The following CDK14 variants were observed in gnomAD, a reference collection of about 807,000 sequenced individuals.
CDK14 encodes the protein cyclin dependent kinase 14.
CDK14 carries 34 observed loss-of-function variants against 60.7 expected under a neutral mutation model. The ratio of observed to expected loss-of-function variants is 0.56; its 90% CI spans 0.43 to 0.75. The LOEUF is 0.75. CDK14 is among the 30% of genes least tolerant of loss of function. The pLI, the probability that CDK14 is intolerant of heterozygous loss-of-function variation, is 0.00. For missense variants in CDK14, 482 were observed against 564.1 expected (o/e 0.85, Z 1.47); for synonymous variants, 197 against 203.7 (o/e 0.97, Z 0.28).
intron 14 of CDK14, among the ~76,000 whole-genome samples, chr7:91,176,537 A>T (rs1220637544): frequency 3.4e-4 from 51 of 152,188 alleles, no homozygotes; most frequent in Non-Finnish European, 4.4e-5. Context: ...TTTTGAAAGG[A>T]TCAACAAAAT....
At chr7:90,825,455 AG>A (rs1056355198) in intron 5 of CDK14, among the ~76,000 whole-genome samples, 10 of 152,188 alleles carry the variant, frequency 6.6e-5, no homozygotes, top group African/African-American at 2.4e-4. Flanking sequence ...GTAACACCAT[AG>A]TTTGTTTCTA....
intron 11 of CDK14, among the ~76,000 whole-genome samples, chr7:91,076,634 G>C (rs909534852): frequency 2.0e-5 from 3 of 152,130 alleles, no homozygotes; most frequent in Non-Finnish European, 4.4e-5. Context: ...TTTAACAAAA[G>C]CTAAAATTGA....
intron 2 of CDK14, among the ~76,000 whole-genome samples, chr7:90,630,888 A>ATGTGTGTGTGTGTG (rs55859300): frequency 0.15 from 21,541 of 148,264 alleles, 1,691 homozygotes; most frequent in East Asian, 0.28. Flanking sequence ...TGGGGTGTGT[A>ATGTGTGTGTGTGTG]TGTGTGTGTG....
At chr7:90,782,876 T>G (rs1221109071) in intron 4 of CDK14, among the ~76,000 whole-genome samples, 2 of 152,114 alleles carry the variant, frequency 1.3e-5, no homozygotes, top group Admixed American at 6.6e-5. Context: ...TGAAAATGTT[T>G]TAGGGACTAC....
At chr7:90,685,073 A>G (rs1801405221) in intron 2 of CDK14, among the ~76,000 whole-genome samples, 2 of 151,612 alleles carry the variant, frequency 1.3e-5, no homozygotes. Context: ...CCATTCTAAT[A>G]TGAGAAAAAT....
At chr7:91,008,148 AAC>A (rs1464686365) in intron 10 of CDK14, among the ~76,000 whole-genome samples, 1,220 of 106,564 alleles carry the variant, frequency 0.011, 177 homozygotes, top group Non-Finnish European at 0.019. Context: ...AAAAAAAACA[AAC>A]AAAAAAAAAC....
chr7:91,145,918 C>CTTTATTTA lies in CDK14; in HGVS notation c.*28+27742_*28+27749dup, dbSNP rs144547153. Reference sequence around the variant, plus strand: ...ACTTCAAAGGGATTAACCTGGCTTGCTTTATTTATTTATTTATTTATTTAT... The same window carrying CTTTATTTA: ...ACTTCAAAGGGATTAACCTGGCTTGCTTTATTTATTTATTTATTTATTTATTTATTTAT... On this transcript the variant is annotated intron_variant, in intron 14 of 14. Coordinates refer to ENST00000380050, the MANE Select transcript of CDK14 (RefSeq NM_001287135.2). Among the ~76,000 whole-genome samples, 1,221 of 147,836 alleles carry CTTTATTTA rather than the reference C, an allele frequency of 8.3e-3. 11 individuals are homozygous for CTTTATTTA. Among genetic ancestry groups the CTTTATTTA allele is most frequent in the African/African-American group, 0.025 (981 of 39,848 alleles).
chr7:90,729,585 T>C (rs1297726022), intron 3 of CDK14, among the ~76,000 whole-genome samples: 1 of 151,672 alleles, frequency 6.6e-6, no homozygotes, highest in Non-Finnish European at 1.5e-5. Context: ...AGTTTCTCTA[T>C]TGTATTTTTT....
In CDK14 at chr7:91,063,435, T is replaced by G. The variant is rs977677586; in HGVS notation, c.1106-15997T>G. Among the ~76,000 whole-genome samples, 3 of 152,378 alleles carry G rather than the reference T, an allele frequency of 2.0e-5. No homozygotes were observed. In the East Asian group the frequency reaches 5.8e-4, roughly 29 times the overall value. The stretch of plus-strand genomic sequence containing the variant: ...CTGATAAGATTTCCTTCACGTACAC[T>G]GTCCTTCATGCAGCACTGGCAGAGA... On this transcript the variant is annotated intron_variant, in intron 11 of 14. Transcript: ENST00000380050.
chr7:90,753,519 C>T (rs1244760676), intron 4 of CDK14, among the ~76,000 whole-genome samples: 3 of 152,180 alleles, frequency 2.0e-5, no homozygotes, highest in African/African-American at 7.2e-5. Flanking sequence ...GACAAACCCA[C>T]AGCTAACATC....
At chr7:90,651,648 A>C (rs1015264210) in intron 2 of CDK14, among the ~76,000 whole-genome samples, 1 of 152,094 alleles carries the variant, frequency 6.6e-6, no homozygotes, top group Non-Finnish European at 1.5e-5. Flanking sequence ...AATTACAGTG[A>C]CATGTTTGTA....
chr7:90,878,574 C>T lies in CDK14; in HGVS notation c.639+15305C>T, dbSNP rs189323245. On this transcript the variant is annotated intron_variant, in intron 6 of 14. Coordinates refer to ENST00000380050, the MANE Select transcript of CDK14 (RefSeq NM_001287135.2). ...AGATCCATCCTGTGTCCAAGACTTA[C>T]AAAGATTAATTTATAAATGTAGTTA... 1.3e-3 allele frequency among the ~76,000 whole-genome samples: 195 copies of T among 151,874 alleles called. 3 individuals carry two copies. Among genetic ancestry groups the T allele is most frequent in the South Asian group, 0.012 (57 of 4,824 alleles).
chr7:91,146,202 G>GGATT (rs1337985197), intron 14 of CDK14, among the ~76,000 whole-genome samples: 71 of 152,190 alleles, frequency 4.7e-4, no homozygotes, highest in Admixed American at 2.2e-3. Flanking sequence ...ATTGATTGAT[G>GGATT]GATTGATTGA....
chr7:90,653,787 T>C (rs1310201331), intron 2 of CDK14, among the ~76,000 whole-genome samples: 2 of 152,218 alleles, frequency 1.3e-5, no homozygotes, highest in African/African-American at 4.8e-5. Context: ...TCATTTACAT[T>C]AGGTATATCT....
At chr7:90,750,453 A>G (rs1218617091) in intron 4 of CDK14, among the ~76,000 whole-genome samples, 1 of 152,060 alleles carries the variant, frequency 6.6e-6, no homozygotes, top group African/African-American at 2.4e-5. Context: ...AGTGAGATCC[A>G]AGACATGATT....
At chr7:90,721,649 T>C (rs939618675) in intron 2 of CDK14, among the ~76,000 whole-genome samples, 3 of 152,142 alleles carry the variant, frequency 2.0e-5, no homozygotes, top group African/African-American at 7.2e-5. Flanking sequence ...TTCCTTTCCT[T>C]ACTGGAGAAC....
intron 7 of CDK14, among the ~76,000 whole-genome samples, chr7:90,916,440 A>G (rs1245324602): frequency 1.3e-5 from 2 of 152,196 alleles, no homozygotes; most frequent in African/African-American, 4.8e-5. Flanking sequence ...AGATTAATTA[A>G]CTTTACTGTT....
chr7:90,875,921 C>A (rs1345840460), intron 6 of CDK14, among the ~76,000 whole-genome samples: 2 of 152,002 alleles, frequency 1.3e-5, no homozygotes, highest in African/African-American at 4.8e-5. Context: ...TTCCTTGTTT[C>A]AAGGTTGCAA....
At chr7:91,045,310 GA>G (rs1363647970) in intron 10 of CDK14, among the ~76,000 whole-genome samples, 15 of 152,330 alleles carry the variant, frequency 9.8e-5, no homozygotes, top group African/African-American at 3.6e-4. Context: ...GATGGAGAAA[GA>G]AGGTAGACAT....
Sources: allele counts gnomAD v4.1 joint callset (sites outside exome capture counted in the v4.1 genomes callset), GRCh38; gene constraint gnomAD v4.1.1; transcripts MANE v1.5; gene names NCBI Gene and HGNC (gene_info 2026-07-23, HGNC 2026-07-21).